The following TSHZ3 variants were observed in gnomAD, a reference collection of about 807,000 sequenced individuals.
TSHZ3 encodes the protein teashirt zinc finger homeobox 3.
A neutral mutation model predicts 64.5 loss-of-function variants in TSHZ3; 10 were observed. The observed-to-expected ratio is 0.16, with a 90% CI of 0.10 to 0.26. The LOEUF (loss-of-function observed/expected upper bound fraction) is 0.26, where lower values mean the gene tolerates loss of function less well. Among genes scored for constraint, TSHZ3 ranks in the 10% least tolerant of loss-of-function variants. TSHZ3 has a pLI of 1.00. For missense variants in TSHZ3, 1,242 were observed against 1,421.7 expected (o/e 0.87, Z 2.03); for synonymous variants, 608 against 593.1 (o/e 1.03, Z -0.36).
chr19:31,308,701 T>C (rs1251668872), intron 1 of TSHZ3: 1 of 398,594 alleles, frequency 2.5e-6, no homozygotes, highest in Non-Finnish European at 4.4e-6. Context: ...ACCCAATTGA[T>C]GCTCTTGTCT....
intron 1 of TSHZ3, among the ~76,000 whole-genome samples, chr19:31,313,242 C>T (rs1249999717): frequency 2.0e-5 from 3 of 152,178 alleles, no homozygotes; most frequent in African/African-American, 7.2e-5. Context: ...GGGAATTTGT[C>T]AGGTTTCTAT....
intron 5 of TSHZ3, among the ~76,000 whole-genome samples, chr19:31,189,101 T>G (rs1974861594): frequency 6.6e-6 from 1 of 152,044 alleles, no homozygotes; most frequent in Middle Eastern, 3.4e-3. Flanking sequence ...AATGTCTGAT[T>G]TATTTCTAGT....
intron 1 of TSHZ3, among the ~76,000 whole-genome samples, chr19:31,301,112 G>A (rs930858539): frequency 2.6e-4 from 39 of 151,940 alleles, no homozygotes; most frequent in African/African-American, 8.9e-4. Flanking sequence ...TCCCCCCTCG[G>A]CTACAATAGG....
intron 1 of TSHZ3, among the ~76,000 whole-genome samples, chr19:31,326,038 A>G (rs190171470): frequency 1.3e-5 from 2 of 152,338 alleles, no homozygotes; most frequent in Admixed American, 6.5e-5. Context: ...TTGCTTTATC[A>G]CATATATACC....
rs780256843 is a variant in TSHZ3, at chr19:31,278,080, C to T, written c.1713G>A (p.Thr571=). The T allele has an allele frequency of 1.2e-5, 19 of 1,613,968 alleles. No homozygotes were observed. Among genetic ancestry groups the T allele is most frequent in the African/African-American group, 2.7e-5 (2 of 74,908 alleles). The change falls in exon 2 of 2, where the codon ACG becomes ACA. Residue 571 remains threonine, a synonymous_variant. Coordinates refer to ENST00000240587, the MANE Select transcript of TSHZ3 (RefSeq NM_020856.4). This position sits in a 1 kb window ranked among gnomAD's most constrained non-coding sequence, Gnocchi z 4.7. ...KLSLGSSGKS[T]PLKPMFGNSE... ...TGTTGCCAAACATGGGTTTCAGGGG[C>T]GTGCTCTTCCCCGACGAGCCCAGGG...
At chr19:31,330,072 CT>C (rs1321615165) in intron 1 of TSHZ3, among the ~76,000 whole-genome samples, 1 of 151,460 alleles carries the variant, frequency 6.6e-6, no homozygotes, top group African/African-American at 2.4e-5. Flanking sequence ...TTTTGTTTTC[CT>C]TAACACTGGG....
intron 1 of TSHZ3, among the ~76,000 whole-genome samples, chr19:31,293,926 C>T (rs1976618805): frequency 6.6e-6 from 1 of 152,212 alleles, no homozygotes; most frequent in African/African-American, 2.4e-5. Context: ...CACCACCTTC[C>T]TCAACGGCTC....
chr19:31,301,394 T>C (rs1976754564), intron 1 of TSHZ3, among the ~76,000 whole-genome samples: 1 of 152,166 alleles, frequency 6.6e-6, no homozygotes, highest in African/African-American at 2.4e-5. Context: ...AAATGACAGG[T>C]GTACAGAGGC....
chr19:31,349,387 C>A lies in TSHZ3; in HGVS notation c.-168G>T, dbSNP rs2021629523. 2.0e-6 allele frequency: 1 copy of A among 491,284 alleles called. No individual in the cohort carries two copies. The highest frequency in any genetic ancestry group is 3.2e-6 in the Non-Finnish European group (1 of 309,134). The allele number at this position is 491,284 out of a possible 1,614,324, so 30.4% of individuals were successfully genotyped here. ...CTGCTGCGCCCAGGCTCTCCGCGTC[C>A]CCCCCGCGCCGCGCTCCGCCGCGAA... is the stretch of plus-strand genomic sequence containing the variant. On this transcript the variant is annotated 5_prime_UTR_variant, in exon 1 of 2. Transcript: ENST00000240587.
chr19:31,201,724 C>T (rs1216534927), intron 5 of TSHZ3, among the ~76,000 whole-genome samples: 1 of 152,070 alleles, frequency 6.6e-6, no homozygotes, highest in Non-Finnish European at 1.5e-5. Flanking sequence ...CTCTTCCTTC[C>T]TCAGAAGACC....
At chr19:31,188,927 G>T (rs1473834759) in intron 5 of TSHZ3, among the ~76,000 whole-genome samples, 1 of 151,930 alleles carries the variant, frequency 6.6e-6, no homozygotes, top group Non-Finnish European at 1.5e-5. Context: ...TTGATAGGAA[G>T]AGTGTGATAA....
intron 1 of TSHZ3, among the ~76,000 whole-genome samples, chr19:31,303,229 A>G (rs1976782736): frequency 2.6e-5 from 4 of 152,106 alleles, no homozygotes; most frequent in African/African-American, 9.7e-5. Context: ...ATCGCCCCCC[A>G]TCTCTCTGGG....
At chr19:31,189,820 A>G (rs1392126343) in intron 5 of TSHZ3, among the ~76,000 whole-genome samples, 1 of 152,158 alleles carries the variant, frequency 6.6e-6, no homozygotes, top group African/African-American at 2.4e-5. Context: ...ATCTCCAGCC[A>G]TAACTGTGAA....
chr19:31,287,636 T>G (rs1306327482), intron 1 of TSHZ3, among the ~76,000 whole-genome samples: 1 of 151,180 alleles, frequency 6.6e-6, no homozygotes, highest in Non-Finnish European at 1.5e-5. Flanking sequence ...AGGGCTGGCG[T>G]AGGGGAGAGA....
At chr19:31,253,389 T>C (rs1316001693) in intron 1 of TSHZ3, among the ~76,000 whole-genome samples, 1 of 151,952 alleles carries the variant, frequency 6.6e-6, no homozygotes, top group Non-Finnish European at 1.5e-5. Context: ...AGGAAAACAG[T>C]CATAGATGTC....
intron 1 of TSHZ3, among the ~76,000 whole-genome samples, chr19:31,283,343 T>G (rs1976399485): frequency 6.6e-6 from 1 of 151,980 alleles, no homozygotes; most frequent in Non-Finnish European, 1.5e-5. Flanking sequence ...CAAAAATAAA[T>G]ACATAAAAAT....
At chr19:31,254,380 T>C (rs1975881448) in intron 1 of TSHZ3, among the ~76,000 whole-genome samples, 1 of 152,186 alleles carries the variant, frequency 6.6e-6, no homozygotes, top group South Asian at 2.1e-4. Flanking sequence ...AAAGCTATGC[T>C]GCACAGGTGC....
chr19:31,251,476 C>T (rs958403908), intron 1 of TSHZ3, among the ~76,000 whole-genome samples: 2 of 152,168 alleles, frequency 1.3e-5, no homozygotes, highest in Non-Finnish European at 2.9e-5. Flanking sequence ...GGATATTTTG[C>T]ACCTGTGCAA....
rs188969008 is a variant in TSHZ3, at chr19:31,256,151, C to T, written n.64-13276G>A. Among the ~76,000 whole-genome samples the T allele has an allele frequency of 3.1e-3, 465 of 152,282 alleles. 4 individuals carry two copies. The highest frequency in any genetic ancestry group is 5.2e-3 in the Non-Finnish European group (351 of 68,018). ...TCTGTGAAATGAGATTATAAAGTGA[C>T]TTTCCCCTCATAGGACTGCTGCAGG... On this transcript the variant is annotated intron_variant and non_coding_transcript_variant, in intron 1 of 6. Transcript: ENST00000651361.
Sources: allele counts gnomAD v4.1 joint callset (sites outside exome capture counted in the v4.1 genomes callset), GRCh38; gene constraint gnomAD v4.1.1; non-coding constraint Gnocchi (gnomAD v3.1); transcripts MANE v1.5; gene names NCBI Gene and HGNC (gene_info 2026-07-23, HGNC 2026-07-21).